TAFA5: variants seen among roughly 807,000 people sequenced by gnomAD.
TAFA5 encodes the protein TAFA chemokine like family member 5.
In TAFA5, 6 loss-of-function variants were observed where a neutral mutation model predicts 15.3. The ratio of observed to expected loss-of-function variants is 0.39; its 90% CI spans 0.21 to 0.77. The LOEUF (loss-of-function observed/expected upper bound fraction) is 0.77, where lower values mean the gene tolerates loss of function less well. Ranked by LOEUF, TAFA5 falls within the 30% of genes least tolerant of loss-of-function variation. The pLI, the probability that TAFA5 is intolerant of heterozygous loss-of-function variation, is 0.41. For synonymous variants in TAFA5, 103 were observed against 80.7 expected, an observed-to-expected ratio of 1.28 and a Z score of -1.48; for missense variants, 161 against 193.1, an observed-to-expected ratio of 0.83 and a Z score of 0.98.
At chr22:48,647,123 G>A (rs1926896212) in intron 2 of TAFA5, among the ~76,000 whole-genome samples, 1 of 152,180 alleles carries the variant, frequency 6.6e-6, no homozygotes, top group Admixed American at 6.5e-5. Context: ...GTCTGCGTGT[G>A]GTCTGGCCGA....
chr22:48,589,685 GAA>G (rs1569037674), intron 1 of TAFA5, among the ~76,000 whole-genome samples: 4 of 146,612 alleles, frequency 2.7e-5, no homozygotes, highest in Non-Finnish European at 5.9e-5. Flanking sequence ...CCTTAGAAGA[GAA>G]GAGAAGCAAA....
chr22:48,654,613 C>T (rs8140213), intron 2 of TAFA5, among the ~76,000 whole-genome samples: 75,321 of 152,080 alleles, frequency 0.5, 19,437 homozygotes, highest in Non-Finnish European at 0.57. Flanking sequence ...AAGTGCAGGC[C>T]TCCCGGCACT....
At chr22:48,726,175 G>C (rs550855661) in intron 3 of TAFA5, among the ~76,000 whole-genome samples, 2 of 152,318 alleles carry the variant, frequency 1.3e-5, no homozygotes, top group South Asian at 2.1e-4. Flanking sequence ...TTATGAATTT[G>C]TTCTCATTTC....
chr22:48,501,595 G>C (rs78934118), intron 1 of TAFA5, among the ~76,000 whole-genome samples: 3,954 of 152,284 alleles, frequency 0.026, 129 homozygotes, highest in African/African-American at 0.075. Flanking sequence ...ACACAGGTGG[G>C]AAGGGCTCGG....
chr22:48,728,409 C>T (rs1289872235), intron 3 of TAFA5, among the ~76,000 whole-genome samples: 1 of 152,224 alleles, frequency 6.6e-6, no homozygotes, highest in African/African-American at 2.4e-5. Flanking sequence ...GATGGAGCAA[C>T]TGCCAGATGG....
intron 1 of TAFA5, among the ~76,000 whole-genome samples, chr22:48,621,749 T>G (rs1173087891): frequency 6.6e-6 from 1 of 152,076 alleles, no homozygotes; most frequent in Non-Finnish European, 1.5e-5. Flanking sequence ...CCTGAGACCT[T>G]GCAAACATAC....
intron 1 of TAFA5, among the ~76,000 whole-genome samples, chr22:48,643,734 G>A (rs1047354041): frequency 6.6e-6 from 1 of 152,224 alleles, no homozygotes; most frequent in African/African-American, 2.4e-5. Context: ...ACCAGCTACT[G>A]TAGGTGGATG....
At chr22:48,730,395 A>AAG (rs1929836922) in intron 3 of TAFA5, among the ~76,000 whole-genome samples, 1 of 151,846 alleles carries the variant, frequency 6.6e-6, no homozygotes, top group Non-Finnish European at 1.5e-5. Context: ...CAAAAAAAAA[A>AAG]GAAAGAAAGA....
intron 1 of TAFA5, among the ~76,000 whole-genome samples, chr22:48,640,029 G>A (rs556376981): frequency 6.6e-6 from 1 of 152,348 alleles, no homozygotes; most frequent in East Asian, 1.9e-4. Context: ...GATGGTGCTA[G>A]CCTGGGTGGG....
chr22:48,634,402 C>CACTCATTCACTCCTTT (rs1177059394), intron 1 of TAFA5, among the ~76,000 whole-genome samples: 1 of 152,136 alleles, frequency 6.6e-6, no homozygotes, highest in Admixed American at 6.5e-5. Context: ...CTCATTTATT[C>CACTCATTCACTCCTTT]ACTCATTCAC....
intron 1 of TAFA5, among the ~76,000 whole-genome samples, chr22:48,595,274 C>T (rs1481432349): frequency 1.3e-5 from 2 of 152,222 alleles, no homozygotes; most frequent in African/African-American, 4.8e-5. Context: ...TCAGCTCCAA[C>T]CTCAAACTTC....
intron 1 of TAFA5, among the ~76,000 whole-genome samples, chr22:48,529,955 G>A (rs1921917474): frequency 6.6e-6 from 1 of 152,094 alleles, no homozygotes; most frequent in African/African-American, 2.4e-5. Context: ...CCCTTCACAG[G>A]GTGTTGGACA....
At position 48,490,826 on chromosome 22, in the gene TAFA5, ACCT is replaced by A. The variant is rs143383638; in HGVS notation, c.112+1128_112+1130del. Among the ~76,000 whole-genome samples, 62,582 of 146,254 alleles carry A rather than the reference ACCT, an allele frequency of 0.43. 15,129 individuals carry two copies. Among genetic ancestry groups the A allele is most frequent in the African/African-American group, 0.67 (26,055 of 39,158 alleles). On this transcript the variant is annotated intron_variant, in intron 1 of 3. Transcript: ENST00000402357. The surrounding 1 kb of genome is among the most constrained non-coding windows in gnomAD (Gnocchi z 5.8). Reference sequence around the variant, plus strand: ...CACCGAACCTCCCTCCACAGACACCACCTCCTCCAGAGCCCCGGGCCTCCAAGC... The same window carrying A: ...CACCGAACCTCCCTCCACAGACACCACCTCCAGAGCCCCGGGCCTCCAAGC...
chr22:48,537,761 AAGGCCCCACGGTGTCCCCAGACTAAGCC>A (rs1922220427), intron 1 of TAFA5, among the ~76,000 whole-genome samples: 1 of 152,226 alleles, frequency 6.6e-6, no homozygotes, highest in Admixed American at 6.5e-5. Context: ...AGCAGCCTAG[AAGGCCCCACGGTGTCCCCAGACTAAGCC>A]AGGCTCCTGC....
At chr22:48,533,780 T>G (rs13054790) in intron 1 of TAFA5, among the ~76,000 whole-genome samples, 1 of 150,428 alleles carries the variant, frequency 6.6e-6, no homozygotes, top group South Asian at 2.1e-4. Context: ...CCTTTTTTTT[T>G]CCTTTTCCCA....
intron 2 of TAFA5, among the ~76,000 whole-genome samples, chr22:48,697,643 G>A (rs974373095): frequency 5.3e-5 from 8 of 150,600 alleles, no homozygotes; most frequent in Non-Finnish European, 8.9e-5. Context: ...GGTAGTGTTG[G>A]TGATGATGGT....
chr22:48,643,322 A>G (rs1180568008), intron 1 of TAFA5, among the ~76,000 whole-genome samples: 1 of 152,154 alleles, frequency 6.6e-6, no homozygotes, highest in Non-Finnish European at 1.5e-5. Flanking sequence ...CAGTGGCCGC[A>G]GGGCAGAGGT....
chr22:48,670,765 C>T (rs1927778143), intron 2 of TAFA5, among the ~76,000 whole-genome samples: 2 of 152,202 alleles, frequency 1.3e-5, no homozygotes, highest in African/African-American at 4.8e-5. Flanking sequence ...CGAGAAAGCA[C>T]CTCCTCAGTT....
At chr22:48,629,647 A>G (rs918314611) in intron 1 of TAFA5, among the ~76,000 whole-genome samples, 3 of 152,204 alleles carry the variant, frequency 2.0e-5, no homozygotes, top group Non-Finnish European at 4.4e-5. Context: ...CTCAGGGGAC[A>G]TTTGATGATG....
Sources: allele counts gnomAD v4.1 joint callset (sites outside exome capture counted in the v4.1 genomes callset), GRCh38; gene constraint gnomAD v4.1.1; non-coding constraint Gnocchi (gnomAD v3.1); transcripts MANE v1.5; gene names NCBI Gene and HGNC (gene_info 2026-07-23, HGNC 2026-07-21).